Variants in BABAM2 observed in about 807,000 individuals in gnomAD.
BABAM2 encodes the protein BRISC and BRCA1-A complex member 2.
A neutral mutation model predicts 54.7 loss-of-function variants in BABAM2; 31 were observed. The observed-to-expected ratio is 0.57, with a 90% CI of 0.43 to 0.77. The LOEUF is 0.77. Ranked by LOEUF, BABAM2 falls within the 30% of genes least tolerant of loss-of-function variation. The pLI is 0.00. For missense variants in BABAM2, 364 were observed against 455.8 expected, an observed-to-expected ratio of 0.80 and a Z score of 1.83; for synonymous variants, 167 against 162.9, an observed-to-expected ratio of 1.03 and a Z score of -0.19.
At chr2:28,207,117 G>A (rs1473112683) in intron 7 of BABAM2, among the ~76,000 whole-genome samples, 1 of 152,174 alleles carries the variant, frequency 6.6e-6, no homozygotes. Flanking sequence ...CACTACACTA[G>A]TATCTTCCCT....
At chr2:27,941,453 G>A (rs528066523) in intron 3 of BABAM2, among the ~76,000 whole-genome samples, 42 of 152,100 alleles carry the variant, frequency 2.8e-4, no homozygotes, top group African/African-American at 9.9e-4. Flanking sequence ...CTTCTCAGGA[G>A]GCTCAGTCAG....
chr2:27,978,759 C>T (rs1004489276), intron 3 of BABAM2, among the ~76,000 whole-genome samples: 2 of 152,066 alleles, frequency 1.3e-5, no homozygotes, highest in Non-Finnish European at 2.9e-5. Context: ...GCAAAGTACC[C>T]GATTGGTAGG....
intron 4 of BABAM2, among the ~76,000 whole-genome samples, chr2:28,011,395 A>G (rs1168112249): frequency 1.3e-5 from 2 of 152,118 alleles, no homozygotes; most frequent in East Asian, 1.9e-4. Context: ...TTATAACCCG[A>G]AGAGCCTGGG....
chr2:27,952,266 T>C (rs1669787685), intron 3 of BABAM2, among the ~76,000 whole-genome samples: 1 of 152,244 alleles, frequency 6.6e-6, no homozygotes, highest in Non-Finnish European at 1.5e-5. Flanking sequence ...TGCCTGTCAA[T>C]TGGGATGTTT....
intron 11 of BABAM2, among the ~76,000 whole-genome samples, chr2:28,323,462 A>C (rs921295408): frequency 1.3e-5 from 2 of 152,086 alleles, no homozygotes; most frequent in African/African-American, 4.8e-5. Context: ...AAGTGGTTGG[A>C]TTAATACCAA....
At chr2:28,232,743 A>T (rs1344946148) in intron 7 of BABAM2, among the ~76,000 whole-genome samples, 1 of 152,222 alleles carries the variant, frequency 6.6e-6, no homozygotes, top group Non-Finnish European at 1.5e-5. Flanking sequence ...CCACTGTCAT[A>T]TATGGGGTCC....
chr2:28,052,310 C>CA (rs1678060036), intron 6 of BABAM2, among the ~76,000 whole-genome samples: 1 of 138,918 alleles, frequency 7.2e-6, no homozygotes, highest in Non-Finnish European at 1.5e-5. Context: ...TTCCAATAGA[C>CA]AGAGTCTTGC....
chr2:28,065,462 C>T (rs1679241836), intron 6 of BABAM2, among the ~76,000 whole-genome samples: 1 of 152,176 alleles, frequency 6.6e-6, no homozygotes, highest in South Asian at 2.1e-4. Flanking sequence ...CTTAATATCG[C>T]CTCTGTTATT....
At chr2:28,271,938 T>C (rs1685459927) in intron 10 of BABAM2, among the ~76,000 whole-genome samples, 1 of 152,200 alleles carries the variant, frequency 6.6e-6, no homozygotes, top group Non-Finnish European at 1.5e-5. Context: ...GTAGAGGTGG[T>C]TCCTACCTTC....
intron 2 of BABAM2, among the ~76,000 whole-genome samples, chr2:27,903,001 A>T (rs1665918389): frequency 6.6e-6 from 1 of 151,992 alleles, no homozygotes; most frequent in African/African-American, 2.4e-5. Flanking sequence ...TTTCTTTACG[A>T]ATTTTAAAGT....
intron 3 of BABAM2, among the ~76,000 whole-genome samples, chr2:27,978,208 G>A (rs963175580): frequency 1.1e-4 from 17 of 152,112 alleles, no homozygotes; most frequent in Admixed American, 3.9e-4. Flanking sequence ...GACTTCATGT[G>A]AGATCTGGTT....
intron 6 of BABAM2, among the ~76,000 whole-genome samples, chr2:28,103,841 T>A (rs1351015075): frequency 6.6e-6 from 1 of 152,248 alleles, no homozygotes; most frequent in East Asian, 1.9e-4. Flanking sequence ...CCAGAACTCC[T>A]AATAGTTCCT....
At chr2:27,962,470 C>A (rs371222942) in intron 3 of BABAM2, among the ~76,000 whole-genome samples, 1 of 152,036 alleles carries the variant, frequency 6.6e-6, no homozygotes, top group Non-Finnish European at 1.5e-5. Flanking sequence ...GGACCAGATA[C>A]GTATAGCTAA....
At chr2:28,110,167 C>G (rs1448159858) in intron 6 of BABAM2, among the ~76,000 whole-genome samples, 1 of 151,978 alleles carries the variant, frequency 6.6e-6, no homozygotes, top group Non-Finnish European at 1.5e-5. Flanking sequence ...ATAATGTCCT[C>G]GAGGTTCATC....
chr2:28,180,106 G>GA (rs202058474), intron 7 of BABAM2, among the ~76,000 whole-genome samples: 2,001 of 152,100 alleles, frequency 0.013, 29 homozygotes, highest in South Asian at 0.05. Flanking sequence ...CACAGAATTA[G>GA]AAAAAACTAT....
intron 7 of BABAM2, among the ~76,000 whole-genome samples, chr2:28,151,421 A>G (rs1258476400): frequency 1.3e-5 from 2 of 152,114 alleles, no homozygotes; most frequent in East Asian, 3.9e-4. Flanking sequence ...AATACAAAAA[A>G]TTAGCCAGGT....
At chr2:28,040,575 C>T (rs551931786) in intron 5 of BABAM2, among the ~76,000 whole-genome samples, 142 of 152,186 alleles carry the variant, frequency 9.3e-4, no homozygotes, top group African/African-American at 3.3e-3. Context: ...GCTGGGATTA[C>T]AGGCGTGAGC....
intron 6 of BABAM2, among the ~76,000 whole-genome samples, chr2:28,047,086 A>G (rs970441994): frequency 3.3e-5 from 5 of 152,296 alleles, no homozygotes; most frequent in African/African-American, 9.6e-5. Flanking sequence ...AAAACATAGG[A>G]TTTTTGTACT....
At chr2:28,197,265 G>C (rs1374894322) in intron 7 of BABAM2, among the ~76,000 whole-genome samples, 4 of 152,152 alleles carry the variant, frequency 2.6e-5, no homozygotes, top group Non-Finnish European at 5.9e-5. Flanking sequence ...TTAAAGCCTT[G>C]CTTGAGCGCC....
Sources: allele counts gnomAD v4.1 joint callset (sites outside exome capture counted in the v4.1 genomes callset), GRCh38; gene constraint gnomAD v4.1.1; transcripts MANE v1.5; gene names NCBI Gene and HGNC (gene_info 2026-07-23, HGNC 2026-07-21).